Variants in VPS13D observed in about 807,000 individuals in gnomAD.
VPS13D encodes the protein vacuolar protein sorting 13 homolog D, also known as intermembrane lipid transfer protein VPS13D.
A neutral mutation model predicts 461.9 loss-of-function variants in VPS13D; 187 were observed. The observed-to-expected ratio is 0.40, with a 90% confidence interval of 0.36 to 0.46. VPS13D has a LOEUF of 0.46. VPS13D is among the 20% of genes least tolerant of loss of function. The probability of loss-of-function intolerance (pLI) is 0.60; values close to 1 mark genes in which losing one functional copy is unlikely to be tolerated. For synonymous variants in VPS13D, 1,951 were observed against 1,986.3 expected, an observed-to-expected ratio of 0.98 and a Z score of 0.47; for missense variants, 4,711 against 5,364.9, an observed-to-expected ratio of 0.88 and a Z score of 3.81.
At chr1:12,278,601 A>T (rs1240575747) in intron 19 of VPS13D, among the ~76,000 whole-genome samples, 1 of 152,186 alleles carries the variant, frequency 6.6e-6, no homozygotes, top group African/African-American at 2.4e-5. Context: ...GAAGTGTTCC[A>T]GCTTGAAACT....
chr1:12,418,133 C>A (rs1440575169), intron 65 of VPS13D, among the ~76,000 whole-genome samples: 2 of 152,164 alleles, frequency 1.3e-5, no homozygotes, highest in African/African-American at 4.8e-5. Context: ...GTCTCGAACT[C>A]CTGACCTCAA....
rs909769194 is a variant in VPS13D at position 12,507,982 on chromosome 1, C to T, written c.13035+889C>T. Among the ~76,000 whole-genome samples, 1 of 152,242 alleles carries T rather than the reference C, an allele frequency of 6.6e-6. No individual in the cohort carries two copies. The highest frequency in any genetic ancestry group is 2.4e-5 in the African/African-American group (1 of 41,468). On this transcript the variant is annotated intron_variant, in intron 69 of 69. Transcript: ENST00000620676. The surrounding 1 kb of genome is among the most constrained non-coding windows in gnomAD (Gnocchi z 5.3). ...TGCTCTCTCTATGGATCGGAAATAG[C>T]GCCAGCCTTATTGGGCCTCTCTCCT...
intron 66 of VPS13D, among the ~76,000 whole-genome samples, chr1:12,459,061 T>TG (rs902810188): frequency 1.6e-4 from 25 of 152,330 alleles, no homozygotes; most frequent in African/African-American, 5.5e-4. Context: ...AAGCATCCAG[T>TG]GGGGTTGGCC....
rs1642361380 is a variant in VPS13D at position 12,299,464 on chromosome 1, A to G, written c.6216+80A>G. 2 of 1,454,274 alleles carry G rather than the reference A, an allele frequency of 1.4e-6. No individual in the cohort carries two copies. Among genetic ancestry groups the G allele is most frequent in the Admixed American group, 4.8e-5 (2 of 41,598 alleles). 90.1% of individuals were successfully genotyped at this position (1,454,274 alleles called of 1,614,324 possible). A position where few individuals can be genotyped will look rare whatever the true frequency, so the allele number is the denominator to read the frequency against. On this transcript the variant is annotated intron_variant, in intron 25 of 69. Coordinates refer to ENST00000620676, the MANE Select transcript of VPS13D (RefSeq NM_015378.4). The surrounding 1 kb of genome is among the most constrained non-coding windows in gnomAD (Gnocchi z 4.2). ...TGAAAAATTTGTATGCTGCTGTAAG[A>G]TGATCCATAATTGCTATTACTTTTG...
In VPS13D at chr1:12,415,233, A is replaced by C. The variant is rs990186221; in HGVS notation, c.12165+12A>C. 1 of 1,613,816 alleles carries C rather than the reference A, an allele frequency of 6.2e-7. No individual in the cohort carries two copies. The highest frequency in any genetic ancestry group is 1.7e-5 in the Admixed American group (1 of 59,970). ...AACATTTCCAGGAGGTGAGGCTTGG[A>C]GAAGTAATCATTGGCTGGAGCATAA... On this transcript the variant is annotated intron_variant, in intron 64 of 69. Transcript: ENST00000620676.
chr1:12,292,247 A>G (rs2101427262), intron 23 of VPS13D, among the ~76,000 whole-genome samples: 1 of 127,834 alleles, frequency 7.8e-6, no homozygotes, highest in African/African-American at 3.0e-5. Context: ...GGGTGACAAG[A>G]GCGAAACTCC....
chr1:12,507,207 T>C lies in VPS13D; in HGVS notation c.13035+114T>C. ...ATTTAGGAGGTTGAGGCTGGGCCCT[T>C]CCCAGGAGTGCTGCCTCTCAGTCCT... On this transcript the variant is annotated intron_variant, in intron 69 of 69. Transcript: ENST00000620676. The surrounding 1 kb of genome is among the most constrained non-coding windows in gnomAD (Gnocchi z 5.3). 3 of 1,574,938 alleles carry C rather than the reference T, an allele frequency of 1.9e-6. No individual in the cohort carries two copies. Among genetic ancestry groups the C allele is most frequent in the Non-Finnish European group, 2.6e-6 (3 of 1,151,984 alleles).
intron 67 of VPS13D, among the ~76,000 whole-genome samples, chr1:12,466,585 C>T (rs1049370090): frequency 6.6e-6 from 1 of 152,202 alleles, no homozygotes; most frequent in African/African-American, 2.4e-5. Flanking sequence ...TATCCTGTGG[C>T]TCCTGCCTCA....
chr1:12,318,352 G>A lies in VPS13D; in HGVS notation c.7414+15G>A, dbSNP rs375251617. The A allele has an allele frequency of 1.9e-6, 3 of 1,597,460 alleles. No individual in the cohort carries two copies. Among genetic ancestry groups the A allele is most frequent in the African/African-American group, 2.7e-5 (2 of 74,750 alleles). ...CAATGTAACAGGTGATTATATGTGGGTGTGATTCATTGGTGCTTAGTTTGG... is the reference window on the plus strand; with the variant it reads ...CAATGTAACAGGTGATTATATGTGGATGTGATTCATTGGTGCTTAGTTTGG... On this transcript the variant is annotated intron_variant, in intron 31 of 69. Coordinates refer to ENST00000620676, the MANE Select transcript of VPS13D (RefSeq NM_015378.4).
At chr1:12,312,042 G>A (rs1480945924) in intron 29 of VPS13D, 117 bp downstream of exon 29, 2 of 676,538 alleles carry the variant, frequency 3.0e-6, no homozygotes, top group Non-Finnish European at 4.5e-6. Context: ...AATGTTGTCT[G>A]CAGAGTGTCT....
chr1:12,385,437 G>A, intron 59 of VPS13D, 64 bp downstream of exon 59: 1 of 1,310,698 alleles, frequency 7.6e-7, no homozygotes, highest in Non-Finnish European at 1.1e-6. Flanking sequence ...TTACTTGGTG[G>A]TATTTTAGAC....
chr1:12,318,147 G>A lies in VPS13D; in HGVS notation c.7224G>A (p.Leu2408=), dbSNP rs779268575. The A allele has an allele frequency of 1.2e-5, 20 of 1,613,970 alleles. No individual in the cohort carries two copies. Among genetic ancestry groups the A allele is most frequent in the East Asian group, 2.2e-5 (1 of 44,894 alleles). The change falls in exon 31 of 70, where the codon CTG becomes CTA. Residue 2408 remains leucine, a synonymous_variant. Coordinates refer to ENST00000620676, the MANE Select transcript of VPS13D (RefSeq NM_015378.4). ...TGTTTCTCATATTTGACTGGCTACT[G>A]TTAGTCCATGATTTTCTCCACACTC... The part of the protein sequence containing the change: ...LRVFLIFDWL[L]LVHDFLHTPS...
At chr1:12,241,257 G>C (rs1204832683) in intron 2 of VPS13D, among the ~76,000 whole-genome samples, 1 of 152,114 alleles carries the variant, frequency 6.6e-6, no homozygotes, top group Non-Finnish European at 1.5e-5. Context: ...TTCTTCTTTA[G>C]AAGCCAGTAA....
In VPS13D at chr1:12,363,118, G is replaced by T. The variant is rs1173421123; in HGVS notation, c.10319G>T (p.Ser3440Ile). The T allele has an allele frequency of 5.0e-6, 8 of 1,614,102 alleles. No individual in the cohort carries two copies. The highest frequency in any genetic ancestry group is 1.3e-5 in the African/African-American group (1 of 74,918). The change falls in exon 52 of 70, where the codon AGT becomes ATT. Residue 3440 changes from serine (S) to isoleucine (I), a missense_variant. Physicochemically the swap from Ser to Ile is moderately radical, Grantham distance 142. Transcript: ENST00000620676. ...TACATTTCCACCCTTCCTGGTTCCA[G>T]TGTGGTGTTCCACTGGCCTCGGAAT... is the stretch of plus-strand genomic sequence containing the variant. ...EGYISTLPGS[S>I]VVFHWPRNDY...
At chr1:12,271,229 C>A in intron 17 of VPS13D, 105 bp downstream of exon 17, 1 of 1,386,340 alleles carries the variant, frequency 7.2e-7, no homozygotes, top group Non-Finnish European at 1.0e-6. Context: ...ATCAATTATG[C>A]TGACTGAGTA....
chr1:12,381,937 T>TC (rs1644282393), intron 57 of VPS13D, among the ~76,000 whole-genome samples: 4 of 121,616 alleles, frequency 3.3e-5, no homozygotes, highest in African/African-American at 1.1e-4. Flanking sequence ...TTTCTTTCTT[T>TC]CTTTCTTTCT....
Position 12,349,222 on chromosome 1 carries a change from C to T in VPS13D, c.9279C>T (p.Leu3093=), listed in dbSNP as rs1269737978. The T allele has an allele frequency of 2.5e-6, 4 of 1,614,202 alleles. No homozygotes were observed. The highest frequency in any genetic ancestry group is 3.4e-6 in the Non-Finnish European group (4 of 1,180,040). The change falls in exon 46 of 70, where the codon CTC becomes CTT. Residue 3093 remains leucine (L), a synonymous_variant. Transcript: ENST00000620676. ...PGDSFAVPLH[L]TSWRLQARPK... ...ATTCGTTTGCTGTGCCTTTACACCT[C>T]ACTTCTTGGCGGCTACAGGCCCGGC...
At chr1:12,237,495 C>A (rs1213834258) in intron 2 of VPS13D, among the ~76,000 whole-genome samples, 5 of 147,286 alleles carry the variant, frequency 3.4e-5, no homozygotes, top group African/African-American at 7.6e-5. Flanking sequence ...GCTTTTCCCC[C>A]AAAAATTTTC....
intron 60 of VPS13D, among the ~76,000 whole-genome samples, chr1:12,399,223 GTCTC>G (rs1442097072): frequency 6.8e-6 from 1 of 147,998 alleles, no homozygotes; most frequent in Admixed American, 6.7e-5. Flanking sequence ...TTGAGACGGA[GTCTC>G]TCTCTGTCAC....
Sources: gnomAD v4.1 joint callset for allele counts (sites outside exome capture counted in the v4.1 genomes callset) on GRCh38, gnomAD v4.1.1 for gene constraint, Gnocchi (gnomAD v3.1) non-coding constraint, MANE v1.5 for transcripts, NCBI Gene and HGNC (gene_info 2026-07-23, HGNC 2026-07-21) for gene names.